RBFOX1: variants seen among roughly 807,000 people sequenced by gnomAD.
RBFOX1 encodes RNA binding protein fox-1 homolog 1.
In RBFOX1, 8 loss-of-function variants were observed where a neutral mutation model predicts 57.7. That is an observed-to-expected ratio of 0.14 (90% CI 0.08 to 0.25). The LOEUF is 0.25. Among genes scored for constraint, RBFOX1 ranks in the 10% least tolerant of loss-of-function variants. The pLI, the probability that RBFOX1 is intolerant of heterozygous loss-of-function variation, is 1.00. For missense variants in RBFOX1, 611 were observed against 548.5 expected (o/e 1.11, Z -1.14); for synonymous variants, 326 against 222.4 (o/e 1.47, Z -4.15).
chr16:7,037,228 C>CTTTTT (rs889539532), intron 3 of RBFOX1, among the ~76,000 whole-genome samples: 12 of 80,554 alleles, frequency 1.5e-4, no homozygotes, highest in African/African-American at 6.1e-4. Flanking sequence ...GTCTTAGCCT[C>CTTTTT]TTTTTTTTTT....
Position 7,448,398 on chromosome 16 carries a change from A to G in RBFOX1, c.28-69749A>G, listed in dbSNP as rs184312058. Among the ~76,000 whole-genome samples, 157 of 152,296 alleles carry G rather than the reference A, an allele frequency of 1.0e-3. 1 individual carries two copies. Among genetic ancestry groups the G allele is most frequent in the South Asian group, 2.1e-4 (1 of 4,822 alleles). On this transcript the variant is annotated intron_variant, in intron 4 of 15. Transcript: ENST00000550418. Reference sequence around the variant, plus strand: ...TCCACATTGCTGGGGAGACCTCACAATCATGGTGGAAGGCAAAGGAGGTGC... The same window carrying G: ...TCCACATTGCTGGGGAGACCTCACAGTCATGGTGGAAGGCAAAGGAGGTGC...
rs564379109 is a variant in RBFOX1, at chr16:5,903,906, C to T, written c.351+36571C>T. 1.9e-4 allele frequency among the ~76,000 whole-genome samples: 29 copies of T among 152,256 alleles called. No homozygotes were observed. The South Asian group carries it at 3.3e-3, about 17-fold the overall frequency. The stretch of plus-strand genomic sequence containing the variant: ...TGCATGTGCTCACCAGAGCTGGCTT[C>T]CTCTGTCTTTGCTGAGGGAAGCTGG... On this transcript the variant is annotated intron_variant, in intron 4 of 19. Coordinates refer to the RBFOX1 transcript ENST00000641259.
At chr16:5,900,902 G>A (rs927408590) in intron 4 of RBFOX1, among the ~76,000 whole-genome samples, 1 of 152,198 alleles carries the variant, frequency 6.6e-6, no homozygotes, top group Non-Finnish European at 1.5e-5. Context: ...GATTACCTGG[G>A]GAAATTAATA....
intron 4 of RBFOX1, among the ~76,000 whole-genome samples, chr16:7,230,395 G>C (rs939188570): frequency 1.3e-5 from 2 of 152,210 alleles, no homozygotes; most frequent in African/African-American, 2.4e-5. Flanking sequence ...TAACATATCA[G>C]CTTCCATAGT....
chr16:6,652,303 T>C (rs1162835930), intron 2 of RBFOX1, among the ~76,000 whole-genome samples: 1 of 151,804 alleles, frequency 6.6e-6, no homozygotes, highest in South Asian at 2.1e-4. Context: ...ACAAAATTAG[T>C]TGGGGGTTGT....
At chr16:7,196,695 C>A (rs905029533) in intron 4 of RBFOX1, among the ~76,000 whole-genome samples, 1 of 152,130 alleles carries the variant, frequency 6.6e-6, no homozygotes, top group African/African-American at 2.4e-5. Context: ...GCAAAGGCAT[C>A]TGTGTACAGA....
At chr16:6,824,876 T>C (rs1423510553) in intron 3 of RBFOX1, among the ~76,000 whole-genome samples, 2 of 151,732 alleles carry the variant, frequency 1.3e-5, no homozygotes, top group African/African-American at 2.4e-5. Flanking sequence ...AGTGAAATAA[T>C]TGAAAGTGGT....
intron 4 of RBFOX1, among the ~76,000 whole-genome samples, chr16:7,343,542 G>A (rs888143144): frequency 3.3e-5 from 5 of 152,150 alleles, no homozygotes; most frequent in African/African-American, 1.2e-4. Context: ...TCATATTCTT[G>A]GAAGCAAATG....
intron 2 of RBFOX1, among the ~76,000 whole-genome samples, chr16:5,539,690 TG>T (rs771652525): frequency 6.6e-5 from 10 of 152,184 alleles, no homozygotes; most frequent in South Asian, 2.1e-4. Context: ...TGTGAGAGAT[TG>T]TAAGAATTTT....
chr16:5,854,891 A>G (rs958634070), intron 3 of RBFOX1, among the ~76,000 whole-genome samples: 1 of 152,186 alleles, frequency 6.6e-6, no homozygotes, highest in Non-Finnish European at 1.5e-5. Context: ...AACACTTGCT[A>G]TCTTTTGACT....
chr16:6,766,209 C>T (rs954086585), intron 3 of RBFOX1, among the ~76,000 whole-genome samples: 53 of 152,070 alleles, frequency 3.5e-4, no homozygotes, highest in African/African-American at 1.2e-3. Context: ...AAGAGCCCTT[C>T]AGTCCAACCA....
chr16:7,175,512 T>C (rs1222385658), intron 4 of RBFOX1, among the ~76,000 whole-genome samples: 1 of 152,178 alleles, frequency 6.6e-6, no homozygotes, highest in African/African-American at 2.4e-5. Context: ...GTCATACTCA[T>C]TGAGCCTATG....
chr16:5,694,454 T>C (rs2050788323), intron 3 of RBFOX1, among the ~76,000 whole-genome samples: 1 of 152,208 alleles, frequency 6.6e-6, no homozygotes, highest in South Asian at 2.1e-4. Context: ...TTCTGAATGA[T>C]ACCCACTTGG....
chr16:5,758,474 A>G (rs2053476965), intron 3 of RBFOX1, among the ~76,000 whole-genome samples: 1 of 152,190 alleles, frequency 6.6e-6, no homozygotes, highest in African/African-American at 2.4e-5. Flanking sequence ...AGCGCAGCAC[A>G]GTGGCCCTGT....
At chr16:6,473,482 C>T (rs1177368268) in intron 2 of RBFOX1, among the ~76,000 whole-genome samples, 1 of 152,122 alleles carries the variant, frequency 6.6e-6, no homozygotes, top group African/African-American at 2.4e-5. Flanking sequence ...CTGTCATCTC[C>T]TTGTTTCTTA....
intron 4 of RBFOX1, among the ~76,000 whole-genome samples, chr16:7,401,484 G>T (rs150035292): frequency 6.6e-6 from 1 of 152,272 alleles, no homozygotes; most frequent in East Asian, 1.9e-4. Context: ...TATGTTGATA[G>T]ACCCTCAAAC....
intron 1 of RBFOX1, among the ~76,000 whole-genome samples, chr16:5,394,537 C>G (rs905051094): frequency 7.3e-5 from 11 of 150,516 alleles, no homozygotes; most frequent in Non-Finnish European, 1.5e-4. Flanking sequence ...CTTGTCTTGT[C>G]TTCTCTTCTC....
chr16:5,759,183 C>T (rs536563716), intron 3 of RBFOX1, among the ~76,000 whole-genome samples: 1 of 152,206 alleles, frequency 6.6e-6, no homozygotes, highest in Admixed American at 6.5e-5. Context: ...ACTTCCTATC[C>T]ACGAAGGCAA....
intron 4 of RBFOX1, among the ~76,000 whole-genome samples, chr16:6,010,581 G>T (rs1439321753): frequency 6.6e-6 from 1 of 152,162 alleles, no homozygotes; most frequent in Non-Finnish European, 1.5e-5. Flanking sequence ...GTCGACTTCT[G>T]GAGGAAGCAA....
Sources: gnomAD v4.1 joint callset for allele counts (sites outside exome capture counted in the v4.1 genomes callset) on GRCh38, gnomAD v4.1.1 for gene constraint, MANE v1.5 for transcripts, NCBI Gene and HGNC (gene_info 2026-07-23, HGNC 2026-07-21) for gene names.